CACNA1H: variants seen among roughly 807,000 people sequenced by gnomAD.
The protein encoded by CACNA1H is calcium voltage-gated channel subunit alpha1 H.
In CACNA1H, 149 loss-of-function variants were observed where a neutral mutation model predicts 192.5. That is an observed-to-expected ratio of 0.77 (90% confidence interval 0.68 to 0.89). CACNA1H has a LOEUF of 0.89. Ranked by LOEUF, CACNA1H falls within the 40% of genes least tolerant of loss-of-function variation. The pLI is 0.00. For synonymous variants in CACNA1H, 2,202 were observed against 1,475.2 expected (o/e 1.49, Z -11.29); for missense variants, 4,257 against 3,423.5 (o/e 1.24, Z -6.08).
rs369201438 is a variant in CACNA1H, at chr16:1,200,316, G to A, written c.864G>A (p.Pro288=). The part of the protein sequence containing the change: ...YYQTEEGEEN[P]FICSSRRDNG... ...AGACGGAGGAGGGCGAGGAGAACCC[G>A]TTCATCTGCTCCTCACGCCGAGACA... Residue 288 remains proline, a synonymous_variant, in exon 7 of 35, where the codon CCG becomes CCA. Transcript: ENST00000348261. 16 of 1,605,806 alleles carry A rather than the reference G, an allele frequency of 1.0e-5. No individual in the cohort carries two copies. The highest frequency in any genetic ancestry group is 5.3e-5 in the African/African-American group (4 of 74,784).
At chr16:1,168,338 A>G (rs1964011197) in intron 2 of CACNA1H, among the ~76,000 whole-genome samples, 1 of 151,746 alleles carries the variant, frequency 6.6e-6, no homozygotes, top group Non-Finnish European at 1.5e-5. Flanking sequence ...GAAGGTCTGA[A>G]GCTGGTAGAG....
chr16:1,195,106 G>A, intron 3 of CACNA1H, 23 bp downstream of exon 3: 10 of 1,513,686 alleles, frequency 6.6e-6, no homozygotes, highest in Non-Finnish European at 9.1e-6. Flanking sequence ...GGTCGGGGTG[G>A]GGAAGGAGCG....
chr16:1,207,049 C>A lies in CACNA1H; in HGVS notation c.2838C>A (p.Asp946Glu). ...GCTGCAAGTTCAGCCTGAAGACAGA[C>A]ACCGGAGACACCGTGCCTGACAGGA... ...LFGCKFSLKT[D>E]TGDTVPDRKN... Residue 946 changes from aspartate to glutamate, a missense_variant, in exon 13 of 35, where the codon GAC (aspartate) becomes GAA (glutamate). Coordinates refer to ENST00000348261, the MANE Select transcript of CACNA1H (RefSeq NM_021098.3). 2 of 1,602,214 alleles carry A rather than the reference C, an allele frequency of 1.2e-6. No individual in the cohort carries two copies. Among genetic ancestry groups the A allele is most frequent in the Non-Finnish European group, 1.7e-6 (2 of 1,174,528 alleles).
intron 30 of CACNA1H, 63 bp from the exon 31 acceptor site, chr16:1,216,869 G>A (rs1970067895): frequency 3.0e-6 from 4 of 1,355,652 alleles, no homozygotes; most frequent in Non-Finnish European, 4.1e-6. Flanking sequence ...CGAGTGCCCT[G>A]CAGGGTGGGC....
chr16:1,199,194 A>T (rs1400875991), intron 6 of CACNA1H, among the ~76,000 whole-genome samples: 1 of 40,206 alleles, frequency 2.5e-5, no homozygotes, highest in African/African-American at 1.1e-4. Context: ...GGCTCCACCC[A>T]CCGTGCGGTC....
At chr16:1,160,870 C>G (rs908733045) in intron 2 of CACNA1H, among the ~76,000 whole-genome samples, 2 of 152,116 alleles carry the variant, frequency 1.3e-5, no homozygotes, top group Admixed American at 6.5e-5. Flanking sequence ...ACCCGGGACG[C>G]CAGAGCACCC....
At position 1,220,538 on chromosome 16, in the gene CACNA1H, C is replaced by T. The variant is rs1233255850; in HGVS notation, c.6606C>T (p.Gly2202=). The T allele has an allele frequency of 3.3e-6, 5 of 1,532,212 alleles. No individual in the cohort carries two copies. Among genetic ancestry groups the T allele is most frequent in the Non-Finnish European group, 4.4e-6 (5 of 1,146,742 alleles). 94.9% of individuals were successfully genotyped at this position (1,532,212 alleles called of 1,614,324 possible). ...TGGAACCCCCTGCGGAGGACGAGGG[C>T]TCTGCGCGGCCCTCCGCGGCAGAGG... ...ISVEPPAEDE[G]SARPSAAEGG... The change falls in exon 35 of 35, where the codon GGC becomes GGT. Residue 2202 remains glycine (G), a synonymous_variant. Transcript: ENST00000348261.
At position 1,221,339 on chromosome 16, in the gene CACNA1H, A is replaced by T. The variant is rs1287955471; in HGVS notation, c.*345A>T. The T allele has an allele frequency of 5.7e-6, 2 of 348,988 alleles. No homozygotes were observed. Among genetic ancestry groups the T allele is most frequent in the Non-Finnish European group, 1.0e-5 (2 of 193,216 alleles). The allele number at this position is 348,988 out of a possible 1,614,324, so 21.6% of individuals were successfully genotyped here. ...GGAAGGTACCAGGTTGCGTCCTTTCAGGCCCCGCGTTGTTACAGGACACTC... is the reference window on the plus strand; with the variant it reads ...GGAAGGTACCAGGTTGCGTCCTTTCTGGCCCCGCGTTGTTACAGGACACTC... On this transcript the variant is annotated 3_prime_UTR_variant, in exon 35 of 35. Transcript: ENST00000348261.
At chr16:1,160,964 T>C (rs892343549) in intron 2 of CACNA1H, among the ~76,000 whole-genome samples, 2 of 152,082 alleles carry the variant, frequency 1.3e-5, no homozygotes, top group African/African-American at 2.4e-5. Flanking sequence ...CTGGGCTCTT[T>C]GCCCAAGTTG....
chr16:1,205,129 A>G lies in CACNA1H; in HGVS notation c.2467A>G (p.Asn823Asp), dbSNP rs375864983. The change falls in exon 11 of 35, where the codon AAT (asparagine) becomes GAT (aspartate). Residue 823 changes from asparagine to aspartate, a missense_variant. Physicochemically the swap from Asn to Asp is conservative, Grantham distance 23 (BLOSUM62 1). Coordinates refer to ENST00000348261, the MANE Select transcript of CACNA1H (RefSeq NM_021098.3). ...CTGCCTGCAGCCCGAGGAGCTGACT[A>G]ATGCTCTGGAGATCAGCAACATCGT... ...EYHEQPEELT[N>D]ALEISNIVFT... The G allele has an allele frequency of 3.7e-6, 6 of 1,612,308 alleles. No individual in the cohort carries two copies. In the Admixed American group the frequency reaches 6.7e-5, roughly 18 times the overall value.
In CACNA1H at chr16:1,153,791, G is replaced by C; in HGVS notation, c.54G>C (p.Pro18=). 4.1e-6 allele frequency: 5 copies of C among 1,229,676 alleles called. No individual in the cohort carries two copies. Among genetic ancestry groups the C allele is most frequent in the South Asian group, 6.7e-5 (2 of 29,734 alleles). The allele number at this position is 1,229,676 out of a possible 1,614,324, so 76.2% of individuals were successfully genotyped here. The change falls in exon 2 of 35, where the codon CCG becomes CCC. Residue 18 remains proline (P), a synonymous_variant. Transcript: ENST00000348261. The stretch of plus-strand genomic sequence containing the variant: ...AGGTCCGGGTGCCCCTGGGCGCGCC[G>C]CCCCCTGGCCCTGCGGCGTTGGTGG... The part of the protein sequence containing the change: ...ADEVRVPLGA[P]PPGPAALVGA...
At chr16:1,179,169 G>A (rs899198612) in intron 2 of CACNA1H, among the ~76,000 whole-genome samples, 1 of 152,190 alleles carries the variant, frequency 6.6e-6, no homozygotes, top group Non-Finnish European at 1.5e-5. Flanking sequence ...CCTGGCCGTC[G>A]TCTCCCCAGG....
rs1260506015 is a variant in CACNA1H, at chr16:1,185,646, C to T, written c.300-9326C>T. 2.9e-4 allele frequency among the ~76,000 whole-genome samples: 3 copies of T among 10,498 alleles called. 1 individual carries two copies. The highest frequency in any genetic ancestry group is 8.7e-4 in the African/African-American group (3 of 3,432). The allele number at this position is 10,498 out of a possible 152,430, so 6.9% of individuals were successfully genotyped here. ...GGTACGTGGGGGGCGGGCGAGTAGACGGTCGGCATGCATAGGGGCCGGAGG... is the reference window on the plus strand; with the variant it reads ...GGTACGTGGGGGGCGGGCGAGTAGATGGTCGGCATGCATAGGGGCCGGAGG... On this transcript the variant is annotated intron_variant, in intron 2 of 34. Coordinates refer to ENST00000348261, the MANE Select transcript of CACNA1H (RefSeq NM_021098.3).
rs770322428 is a variant in CACNA1H at position 1,218,075 on chromosome 16, G to C, written c.5445+35G>C. On this transcript the variant is annotated intron_variant, in intron 32 of 34. Transcript: ENST00000348261. ...GCGGCCATGCCTCTGGCACCTGGCA[G>C]CCCCAGCGGTTTTTCAGGCTCTCCC... 4 of 1,584,686 alleles carry C rather than the reference G, an allele frequency of 2.5e-6. No homozygotes were observed. In the African/African-American group the frequency reaches 5.4e-5, roughly 21 times the overall value.
chr16:1,180,966 C>T lies in CACNA1H; in HGVS notation c.300-14006C>T, dbSNP rs372789662. ...GGCGGGACTGCTTCCGCCAGCTTCC[C>T]GGCCAGACCCAAGGGTGGAGCTCCA... On this transcript the variant is annotated intron_variant, in intron 2 of 34. Transcript: ENST00000348261. This position sits in a 1 kb window ranked among gnomAD's most constrained non-coding sequence, Gnocchi z 4.4. Among the ~76,000 whole-genome samples the T allele has an allele frequency of 1.5e-3, 231 of 152,336 alleles. No homozygotes were observed. The highest frequency in any genetic ancestry group is 5.4e-3 in the African/African-American group (223 of 41,578).
intron 2 of CACNA1H, among the ~76,000 whole-genome samples, chr16:1,170,455 G>A (rs1964255795): frequency 6.6e-6 from 1 of 152,232 alleles, no homozygotes; most frequent in Admixed American, 6.5e-5. Flanking sequence ...ACAGAGGCAG[G>A]GGAGGGGAGC....
chr16:1,176,908 C>T (rs1033358995), intron 2 of CACNA1H, among the ~76,000 whole-genome samples: 2 of 152,088 alleles, frequency 1.3e-5, no homozygotes, highest in Admixed American at 6.5e-5. Context: ...GTGTCTGCTA[C>T]GGCTGCTGTG....
At chr16:1,171,904 G>A (rs1275077696) in intron 2 of CACNA1H, among the ~76,000 whole-genome samples, 2 of 152,254 alleles carry the variant, frequency 1.3e-5, no homozygotes, top group African/African-American at 2.4e-5. Context: ...CAAGGCCAGG[G>A]AGCAGTGTCC....
chr16:1,194,941 C>T (rs1297936518), intron 2 of CACNA1H, 31 bp from the exon 3 acceptor site: 38 of 1,541,236 alleles, frequency 2.5e-5, no homozygotes, highest in Non-Finnish European at 3.0e-5. Flanking sequence ...TCCCGGGCCG[C>T]GCCGGTGTGC....
Sources: gnomAD v4.1 joint callset for allele counts (sites outside exome capture counted in the v4.1 genomes callset) on GRCh38, gnomAD v4.1.1 for gene constraint, Gnocchi (gnomAD v3.1) non-coding constraint, MANE v1.5 for transcripts, NCBI Gene and HGNC (gene_info 2026-07-23, HGNC 2026-07-21) for gene names.